The following ZNF808 variants were observed in gnomAD, a reference collection of about 807,000 sequenced individuals.
The protein encoded by ZNF808 is zinc finger protein 808.
ZNF808 carries 5 observed loss-of-function variants against 8.7 expected under a neutral mutation model. That is an observed-to-expected ratio of 0.58 (90% CI 0.30 to 1.21). ZNF808 has a LOEUF of 1.21. Ranked by LOEUF, ZNF808 falls within the 50% of genes most tolerant of loss-of-function variation. ZNF808 has a pLI of 0.07. For synonymous variants in ZNF808, 380 were observed against 366.0 expected, an observed-to-expected ratio of 1.04 and a Z score of -0.44; for missense variants, 1,103 against 1,098.4, an observed-to-expected ratio of 1.00 and a Z score of -0.06.
chr19:52,528,480 G>A lies in ZNF808; in HGVS notation c.-122+769G>A, dbSNP rs115427599. Among the ~76,000 whole-genome samples the A allele has an allele frequency of 6.0e-3, 919 of 152,344 alleles. 15 individuals carry two copies. The highest frequency in any genetic ancestry group is 0.021 in the African/African-American group (882 of 41,584). On this transcript the variant is annotated intron_variant, in intron 1 of 4. Coordinates refer to ENST00000359798, the MANE Select transcript of ZNF808 (RefSeq NM_001039886.4). ...AGAGGATTGGTGAGGGATATGCCAAGATATGGTGAAAGTGGAAAAAGAAAG... is the reference window on the plus strand; with the variant it reads ...AGAGGATTGGTGAGGGATATGCCAAAATATGGTGAAAGTGGAAAAAGAAAG...
chr19:52,554,125 G>A lies in ZNF808; in HGVS notation c.1209G>A (p.Glu403=). 1.2e-6 allele frequency: 2 copies of A among 1,614,042 alleles called. No homozygotes were observed. Among genetic ancestry groups the A allele is most frequent in the Non-Finnish European group, 8.5e-7 (1 of 1,180,026 alleles). The part of the protein sequence containing the change: ...HSGEKTYKCN[E]CGKAFNHQSS... ...GAGAGAAAACATACAAGTGTAATGA[G>A]TGTGGTAAGGCTTTTAATCATCAAT... The change falls in exon 5 of 5, where the codon GAG becomes GAA. Residue 403 remains glutamate (E), a synonymous_variant. Coordinates refer to ENST00000359798, the MANE Select transcript of ZNF808 (RefSeq NM_001039886.4).
intron 2 of ZNF808, among the ~76,000 whole-genome samples, chr19:52,535,516 C>T (rs988626755): frequency 5.3e-5 from 8 of 151,900 alleles, no homozygotes; most frequent in Non-Finnish European, 8.8e-5. Context: ...GTGCCCGCAT[C>T]CCTGCTGTGT....
In ZNF808 at chr19:52,543,559, T is replaced by C. The variant is rs568036787; in HGVS notation, c.63+212T>C. ...TCTCCTGTGACCCAGTGACATGAAC[T>C]TGGGAAGAGGCTCCACTGGGCATGG... is the stretch of plus-strand genomic sequence containing the variant. On this transcript the variant is annotated intron_variant, in intron 3 of 4. Transcript: ENST00000359798. Among the ~76,000 whole-genome samples the C allele has an allele frequency of 1.5e-3, 225 of 152,270 alleles. 2 individuals are homozygous for C. The highest frequency in any genetic ancestry group is 2.7e-3 in the Non-Finnish European group (186 of 68,008).
rs1356303187 is a variant in ZNF808, at chr19:52,553,791, G to A, written c.875G>A (p.Cys292Tyr). 1 of 1,614,164 alleles carries A rather than the reference G, an allele frequency of 6.2e-7. No individual in the cohort carries two copies. The change falls in exon 5 of 5, where the codon TGT (cysteine) becomes TAT (tyrosine). Residue 292 changes from cysteine to tyrosine, a missense_variant. Physicochemically the swap from Cys to Tyr is radical, Grantham distance 194. Coordinates refer to ENST00000359798, the MANE Select transcript of ZNF808 (RefSeq NM_001039886.4). ...GAGAAACCTTACAAGTGTAAAGAGT[G>A]TGGAAAGTCCTTCAGTTACAAGTCA... ...TGEKPYKCKE[C>Y]GKSFSYKSSL...
downstream of ZNF808, among the ~76,000 whole-genome samples, chr19:52,567,753 G>A (rs1298128211): frequency 1.3e-5 from 2 of 151,850 alleles, no homozygotes; most frequent in East Asian, 1.9e-4. Context: ...TCGAACTCCC[G>A]ACCTCAGGCC....
At chr19:52,539,832 T>C (rs1031523906) in intron 2 of ZNF808, among the ~76,000 whole-genome samples, 19 of 151,372 alleles carry the variant, frequency 1.3e-4, no homozygotes, top group Non-Finnish European at 2.2e-4. Flanking sequence ...GGATTACAGG[T>C]ATGAGCCGCT....
At chr19:52,545,815 A>G (rs2059714897) in intron 3 of ZNF808, among the ~76,000 whole-genome samples, 1 of 151,908 alleles carries the variant, frequency 6.6e-6, no homozygotes, top group South Asian at 2.1e-4. Flanking sequence ...GGGAAGGATT[A>G]TATGTATGCC....
At position 52,543,144 on chromosome 19, in the gene ZNF808, C is replaced by T. The variant is rs986706341; in HGVS notation, c.-19-122C>T. The T allele has an allele frequency of 5.2e-6, 5 of 954,280 alleles. No individual in the cohort carries two copies. In the Admixed American group the frequency reaches 7.5e-5, roughly 14 times the overall value. 59.1% of individuals were successfully genotyped at this position (954,280 alleles called of 1,614,324 possible). ...GGACTTTCTTACCTCTGCATGATCT[C>T]TGGTGCAGTGGGCAGTGGGGGACTT... On this transcript the variant is annotated intron_variant, in intron 2 of 4. Transcript: ENST00000359798.
In ZNF808 at chr19:52,554,900, T is replaced by G; in HGVS notation, c.1984T>G (p.Tyr662Asp). Residue 662 changes from tyrosine (Y) to aspartate (D), a missense_variant, in exon 5 of 5, where the codon TAC (tyrosine) becomes GAC (aspartate). Physicochemically the swap from Tyr to Asp is radical, Grantham distance 160. Transcript: ENST00000359798. ...TAATGAGTGTGGGAAGACCTTCAGT[T>G]ACAAGTCATCACTTGTATGGCATCG... Reference protein sequence around the residue: ...KCNECGKTFSYKSSLVWHRRL... With the variant: ...KCNECGKTFSDKSSLVWHRRL... The G allele has an allele frequency of 6.2e-7, 1 of 1,614,080 alleles. No homozygotes were observed. Among genetic ancestry groups the G allele is most frequent in the Non-Finnish European group, 8.5e-7 (1 of 1,179,996 alleles).
chr19:52,544,214 A>G (rs2059699796), intron 3 of ZNF808, among the ~76,000 whole-genome samples: 1 of 152,158 alleles, frequency 6.6e-6, no homozygotes, highest in African/African-American at 2.4e-5. Context: ...TCTGGAGTAC[A>G]ATGGCACAAT....
downstream of ZNF808, among the ~76,000 whole-genome samples, chr19:52,568,616 G>A (rs2059879004): frequency 1.3e-5 from 2 of 152,132 alleles, no homozygotes; most frequent in African/African-American, 2.4e-5. Context: ...TTCTGGGAAA[G>A]CTTCTCTGTA....
intron 2 of ZNF808, among the ~76,000 whole-genome samples, chr19:52,533,250 C>G (rs413814): frequency 0.39 from 58,455 of 151,684 alleles, 13,825 homozygotes; most frequent in African/African-American, 0.65. Flanking sequence ...AACGGAGACA[C>G]AGTTTCGCTC....
At chr19:52,562,581 T>G (rs2059861528) in intron 3 of ZNF808, among the ~76,000 whole-genome samples, 1 of 152,172 alleles carries the variant, frequency 6.6e-6, no homozygotes. Flanking sequence ...GTTTTTATTG[T>G]GCAATTTGTT....
At chr19:52,541,424 T>C (rs918646613) in intron 2 of ZNF808, among the ~76,000 whole-genome samples, 1 of 152,060 alleles carries the variant, frequency 6.6e-6, no homozygotes, top group South Asian at 2.1e-4. Flanking sequence ...ATTGGCCCTT[T>C]CAGGCAATCA....
intron 3 of ZNF808, among the ~76,000 whole-genome samples, chr19:52,547,157 A>G (rs535754357): frequency 1.3e-5 from 2 of 151,990 alleles, no homozygotes; most frequent in African/African-American, 4.8e-5. Flanking sequence ...CACGTTGACC[A>G]GGCTGGTCTC....
chr19:52,537,438 G>C (rs1434400544), intron 2 of ZNF808, among the ~76,000 whole-genome samples: 1 of 152,154 alleles, frequency 6.6e-6, no homozygotes, highest in African/African-American at 2.4e-5. Context: ...TGTAATCCCA[G>C]CACTTTAGGA....
exon 4 of ZNF808, chr19:52,564,432 AATTTT>A (rs1222457197): frequency 2.5e-5 from 7 of 283,064 alleles, no homozygotes; most frequent in African/African-American, 1.1e-4. Flanking sequence ...TCAAAAAAAA[AATTTT>A]AATGACATAA....
At chr19:52,559,626 A>AT (rs2059850118), downstream of ZNF808, among the ~76,000 whole-genome samples, 1 of 152,192 alleles carries the variant, frequency 6.6e-6, no homozygotes, top group South Asian at 2.1e-4. Context: ...CTGACGAGAA[A>AT]TGCCCACAGG....
At chr19:52,556,620 G>A (rs768749857), downstream of ZNF808, 4 of 151,810 alleles carry the variant, frequency 2.6e-5, no homozygotes, top group Non-Finnish European at 4.4e-5. Context: ...CACCGTACCC[G>A]GTCTTGTTTC....
Sources: gnomAD v4.1 joint callset for allele counts (sites outside exome capture counted in the v4.1 genomes callset) on GRCh38, gnomAD v4.1.1 for gene constraint, MANE v1.5 for transcripts, NCBI Gene and HGNC (gene_info 2026-07-23, HGNC 2026-07-21) for gene names.